Variants in MCF2 observed in about 807,000 individuals in gnomAD.
MCF2 encodes proto-oncogene DBL.
Under a neutral mutation model 82.5 loss-of-function variants are expected in MCF2, and 44 were observed. The ratio of observed to expected loss-of-function variants is 0.53; its 90% CI spans 0.42 to 0.69. The LOEUF is 0.69. MCF2 is among the 30% of genes least tolerant of loss of function. MCF2 has a pLI of 0.00. For synonymous variants in MCF2, 217 were observed against 224.9 expected (o/e 0.96, Z 0.32); for missense variants, 623 against 663.1 (o/e 0.94, Z 0.66).
intron 19 of MCF2, among the ~76,000 whole-genome samples, chrX:139,591,272 G>A (rs936662848): frequency 1.8e-5 from 2 of 111,272 alleles, no homozygotes; most frequent in Non-Finnish European, 3.8e-5. Flanking sequence ...GGACTAAATA[G>A]CATGGAGTAA....
intron 4 of MCF2, among the ~76,000 whole-genome samples, chrX:139,627,690 T>A (rs1435945154): frequency 8.9e-6 from 1 of 111,899 alleles, no homozygotes; most frequent in Non-Finnish European, 1.9e-5. Flanking sequence ...AACATTGTTA[T>A]ACATAGATCA....
At chrX:139,640,567 A>G (rs1476773262) in intron 1 of MCF2, among the ~76,000 whole-genome samples, 1 of 111,212 alleles carries the variant, frequency 9.0e-6, no homozygotes, top group Non-Finnish European at 1.9e-5. Flanking sequence ...TGAAATTTCT[A>G]CCAAGTAACT....
intron 6 of MCF2, among the ~76,000 whole-genome samples, chrX:139,622,556 T>A (rs1360400506): frequency 2.7e-5 from 3 of 111,018 alleles, no homozygotes; most frequent in African/African-American, 9.8e-5. Flanking sequence ...AGCCATAAAA[T>A]ATGATGAGTT....
intron 5 of MCF2, 53 bp from the exon 9 acceptor site, chrX:139,626,360 G>T: frequency 1.3e-6 from 1 of 765,120 alleles, no homozygotes; most frequent in Non-Finnish European, 2.0e-6. Context: ...TGTTTTGTAA[G>T]TATGTAGATA....
chrX:139,651,388 T>C (rs1292117263), intron 2 of MCF2, among the ~76,000 whole-genome samples: 23 of 111,174 alleles, frequency 2.1e-4, no homozygotes, highest in Non-Finnish European at 1.1e-4. Context: ...GCTGCTCCCC[T>C]CCCACCCAGC....
At chrX:139,677,213 C>T (rs1377942733) in intron 1 of MCF2, among the ~76,000 whole-genome samples, 1 of 111,646 alleles carries the variant, frequency 9.0e-6, no homozygotes, top group Non-Finnish European at 1.9e-5. Context: ...TGCTAGCAGG[C>T]CACTGCATGT....
chrX:139,634,323 ACT>A (rs1957620056), intron 1 of MCF2, among the ~76,000 whole-genome samples: 1 of 111,967 alleles, frequency 8.9e-6, no homozygotes, highest in African/African-American at 3.2e-5. Context: ...GTTTATGGGA[ACT>A]CTCTGTACTT....
chrX:139,642,094 T>C (rs1382578304), intron 1 of MCF2, among the ~76,000 whole-genome samples: 1 of 111,512 alleles, frequency 9.0e-6, no homozygotes, highest in Non-Finnish European at 1.9e-5. Context: ...CAATATACTC[T>C]ACTTGATCAT....
At chrX:139,698,794 T>C (rs778880713) in intron 1 of MCF2, among the ~76,000 whole-genome samples, 2 of 112,282 alleles carry the variant, frequency 1.8e-5, no homozygotes, top group Non-Finnish European at 3.8e-5. Context: ...AGGACAAATT[T>C]AAAGAATCAA....
At chrX:139,641,303 A>G (rs1376004447) in intron 1 of MCF2, among the ~76,000 whole-genome samples, 1 of 109,751 alleles carries the variant, frequency 9.1e-6, no homozygotes, top group Non-Finnish European at 1.9e-5. Flanking sequence ...ATACACAAAC[A>G]TTTCTTGTGC....
At chrX:139,602,334 T>C in intron 16 of MCF2, 72 bp downstream of exon 20, 1 of 846,206 alleles carries the variant, frequency 1.2e-6, no homozygotes, top group Non-Finnish European at 1.7e-6. Context: ...AAGTAGAAAA[T>C]GAATTTATAA....
chrX:139,583,900 C>A (rs1175998291), intron 24 of MCF2, among the ~76,000 whole-genome samples: 1 of 111,126 alleles, frequency 9.0e-6, no homozygotes, highest in African/African-American at 3.3e-5. Flanking sequence ...AAATATCTTA[C>A]CAGATCTAAG....
At chrX:139,674,144 C>CTTT (rs377454038) in intron 1 of MCF2, among the ~76,000 whole-genome samples, 12 of 109,965 alleles carry the variant, frequency 1.1e-4, no homozygotes, top group African/African-American at 4.1e-4. Flanking sequence ...GCAACCCCTG[C>CTTT]TTTTTTTTCT....
At chrX:139,617,348 C>G (rs1931993290) in intron 8 of MCF2, among the ~76,000 whole-genome samples, 165 bp downstream of exon 11, 1 of 111,522 alleles carries the variant, frequency 9.0e-6, no homozygotes, top group African/African-American at 3.3e-5. Context: ...GTCCTTCAGA[C>G]TTCTTACAAA....
intron 7 of MCF2, among the ~76,000 whole-genome samples, chrX:139,619,350 A>T (rs1472341001): frequency 9.0e-6 from 1 of 110,541 alleles, no homozygotes; most frequent in Non-Finnish European, 1.9e-5. Flanking sequence ...GGAGGAAGGC[A>T]AGCGATAAAA....
chrX:139,703,782 G>A (rs1935543394), intron 1 of MCF2, among the ~76,000 whole-genome samples: 1 of 110,882 alleles, frequency 9.0e-6, no homozygotes, highest in African/African-American at 3.3e-5. Flanking sequence ...ACACACAAGG[G>A]AAAATGGGGA....
chrX:139,615,460 C>G (rs1364833240), intron 9 of MCF2, among the ~76,000 whole-genome samples: 1 of 111,905 alleles, frequency 8.9e-6, no homozygotes, highest in African/African-American at 3.2e-5. Context: ...CCCTGTAGGA[C>G]ATTCTTGTTA....
intron 1 of MCF2, among the ~76,000 whole-genome samples, chrX:139,697,975 A>G (rs1935416046): frequency 9.0e-6 from 1 of 111,043 alleles, no homozygotes; most frequent in Non-Finnish European, 1.9e-5. Context: ...CCCTGTCTCT[A>G]TAAAAAATAC....
chrX:139,587,269 T>C (rs759047236), intron 22 of MCF2, among the ~76,000 whole-genome samples: 1 of 110,953 alleles, frequency 9.0e-6, no homozygotes, highest in Non-Finnish European at 1.9e-5. Flanking sequence ...CCATACCTTC[T>C]CTCTATGTAG....
Sources: gnomAD v4.1 joint callset for allele counts (sites outside exome capture counted in the v4.1 genomes callset) on GRCh38, gnomAD v4.1.1 for gene constraint, MANE v1.5 for transcripts, NCBI Gene and HGNC (gene_info 2026-07-23, HGNC 2026-07-21) for gene names.